GNAS-AS1: variants seen among roughly 807,000 people sequenced by gnomAD.
The protein encoded by GNAS-AS1 is GNAS antisense RNA 1.
chr20:58,841,625 G>T lies in GNAS-AS1; in HGVS notation n.819+312C>A. The stretch of plus-strand genomic sequence containing the variant: ...GCGTGCGCACCTGCCCGCGCGCGCC[G>T]GAGCTGACCTCTCCCGGCGGCGGGC... On this transcript the variant is annotated intron_variant and non_coding_transcript_variant, in intron 4 of 4. Transcript: ENST00000424094. The surrounding 1 kb of genome is among the most constrained non-coding windows in gnomAD (Gnocchi z 5.0). The T allele has an allele frequency of 9.3e-7, 1 of 1,069,868 alleles. No individual in the cohort carries two copies. The highest frequency in any genetic ancestry group is 1.1e-6 in the Non-Finnish European group (1 of 884,912). The allele number at this position is 1,069,868 out of a possible 1,614,324, so 66.3% of individuals were successfully genotyped here.
chr20:58,848,234 C>T (rs2086010326), intron 2 of GNAS-AS1, among the ~76,000 whole-genome samples: 7 of 152,124 alleles, frequency 4.6e-5, no homozygotes, highest in Admixed American at 4.6e-4. Flanking sequence ...GTAAACCATC[C>T]CTGGGTTTCG....
chr20:58,840,903 T>C lies in GNAS-AS1; in HGVS notation n.819+1034A>G. ...TGGATTCAGGTTAGTTGCCCACCGC[T>C]AAACTGGGGAGCCTGAGGGCGGTGT... On this transcript the variant is annotated intron_variant and non_coding_transcript_variant, in intron 4 of 4. Coordinates refer to ENST00000424094, the Ensembl canonical transcript of GNAS-AS1. This position sits in a 1 kb window ranked among gnomAD's most constrained non-coding sequence, Gnocchi z 6.0. The C allele has an allele frequency of 1.2e-6, 2 of 1,611,800 alleles. No individual in the cohort carries two copies. Among genetic ancestry groups the C allele is most frequent in the African/African-American group, 1.3e-5 (1 of 75,010 alleles).
At chr20:58,830,821 A>T (rs1389697792) in intron 4 of GNAS-AS1, among the ~76,000 whole-genome samples, 1 of 151,644 alleles carries the variant, frequency 6.6e-6, no homozygotes, top group Non-Finnish European at 1.5e-5. Flanking sequence ...GTGTGATCCC[A>T]AATCTGGCTT....
Position 58,841,266 on chromosome 20 carries a change from A to C in GNAS-AS1, n.819+671T>G. 1 of 993,016 alleles carries C rather than the reference A, an allele frequency of 1.0e-6. No individual in the cohort carries two copies. Among genetic ancestry groups the C allele is most frequent in the Non-Finnish European group, 1.2e-6 (1 of 802,388 alleles). The allele number at this position is 993,016 out of a possible 1,614,324, so 61.5% of individuals were successfully genotyped here. The stretch of plus-strand genomic sequence containing the variant: ...CGCTTTTCTTCCTCCTAGAAAGACT[A>C]GTCTCAAATAAGTTGGCCTTCTCAG... On this transcript the variant is annotated intron_variant and non_coding_transcript_variant, in intron 4 of 4. Transcript: ENST00000424094. This position sits in a 1 kb window ranked among gnomAD's most constrained non-coding sequence, Gnocchi z 5.0.
intron 4 of GNAS-AS1, among the ~76,000 whole-genome samples, chr20:58,833,376 G>A (rs548287402): frequency 6.6e-6 from 1 of 152,256 alleles, no homozygotes; most frequent in East Asian, 1.9e-4. Context: ...GGAAGCGGGG[G>A]TCCAGAAGTA....
chr20:58,819,094 T>C, exon 5 of GNAS-AS1: 1 of 398,632 alleles, frequency 2.5e-6, no homozygotes, highest in Non-Finnish European at 4.4e-6. Context: ...CAAACTCTCT[T>C]TGCTTATCAA....
intron 4 of GNAS-AS1, among the ~76,000 whole-genome samples, chr20:58,838,358 A>G (rs1445116155): frequency 6.6e-6 from 1 of 152,150 alleles, no homozygotes; most frequent in African/African-American, 2.4e-5. Flanking sequence ...AGAGTACAAC[A>G]ACACGATCTA....
Position 58,841,433 on chromosome 20 carries a change from G to C in GNAS-AS1, n.819+504C>G. ...CTCTAGAGACTGACCACCCGGGAGG[G>C]AAGTCACGCGCGCGCGGCGCCTAAG... On this transcript the variant is annotated intron_variant and non_coding_transcript_variant, in intron 4 of 4. Coordinates refer to ENST00000424094, the Ensembl canonical transcript of GNAS-AS1. The surrounding 1 kb of genome is among the most constrained non-coding windows in gnomAD (Gnocchi z 5.0). 2.0e-6 allele frequency: 2 copies of C among 991,454 alleles called. No individual in the cohort carries two copies. The highest frequency in any genetic ancestry group is 2.4e-6 in the Non-Finnish European group (2 of 833,808). 61.4% of individuals were successfully genotyped at this position (991,454 alleles called of 1,614,324 possible).
chr20:58,850,724 T>G (rs1358719444), exon 1 of GNAS-AS1: 5 of 398,688 alleles, frequency 1.3e-5, no homozygotes, highest in Non-Finnish European at 2.2e-5. Flanking sequence ...CACCCAAGGG[T>G]TGGCCCCTGG....
intron 4 of GNAS-AS1, among the ~76,000 whole-genome samples, chr20:58,823,381 T>C (rs1224417218): frequency 6.6e-6 from 1 of 152,194 alleles, no homozygotes; most frequent in Non-Finnish European, 1.5e-5. Flanking sequence ...GGGTCATCAG[T>C]GCGAGCCAGT....
Position 58,820,669 on chromosome 20 carries a change from G to A in GNAS-AS1, n.820-1414C>T, listed in dbSNP as rs191719623. ...TGGACTTACAGTTCCATGTGACTGG[G>A]GAAGCCCCACAATCATGGCAGAAGG... On this transcript the variant is annotated intron_variant and non_coding_transcript_variant, in intron 4 of 4. Coordinates refer to ENST00000424094, the Ensembl canonical transcript of GNAS-AS1. 1.6e-3 allele frequency among the ~76,000 whole-genome samples: 251 copies of A among 152,376 alleles called. 1 individual carries two copies. The South Asian group carries it at 0.025, about 15-fold the overall frequency.
Position 58,841,378 on chromosome 20 carries a change from G to A in GNAS-AS1, n.819+559C>T, listed in dbSNP as rs1027541008. The A allele has an allele frequency of 2.2e-5, 22 of 1,016,770 alleles. 1 individual carries two copies. The Admixed American group carries it at 5.1e-4, about 24-fold the overall frequency. The allele number at this position is 1,016,770 out of a possible 1,614,324, so 63.0% of individuals were successfully genotyped here. A position where few individuals can be genotyped will look rare whatever the true frequency, so the allele number is the denominator to read the frequency against. The stretch of plus-strand genomic sequence containing the variant: ...TGTAGAGACACCGTTGAAATGTGCG[G>A]AAAGTAATCTGAATGGGAATGGGCG... On this transcript the variant is annotated intron_variant and non_coding_transcript_variant, in intron 4 of 4. Coordinates refer to ENST00000424094, the Ensembl canonical transcript of GNAS-AS1. This position sits in a 1 kb window ranked among gnomAD's most constrained non-coding sequence, Gnocchi z 5.0.
In GNAS-AS1 at chr20:58,840,322, C is replaced by A. The variant is rs367861404; in HGVS notation, n.819+1615G>T. On this transcript the variant is annotated intron_variant and non_coding_transcript_variant, in intron 4 of 4. Coordinates refer to ENST00000424094, the Ensembl canonical transcript of GNAS-AS1. This position sits in a 1 kb window ranked among gnomAD's most constrained non-coding sequence, Gnocchi z 6.0. ...TCCTTAACGCCCACCACCGCTCCGG[C>A]GCCCAGGTATTCCCTGAGTCCCCCG... 4.3e-6 allele frequency: 7 copies of A among 1,612,954 alleles called. No homozygotes were observed. The highest frequency in any genetic ancestry group is 5.1e-6 in the Non-Finnish European group (6 of 1,179,988).
At chr20:58,845,296 G>A (rs1291459558) in intron 2 of GNAS-AS1, among the ~76,000 whole-genome samples, 2 of 152,166 alleles carry the variant, frequency 1.3e-5, no homozygotes, top group Non-Finnish European at 2.9e-5. Flanking sequence ...AGCTATTTGA[G>A]ATAAACCAGT....
chr20:58,833,425 G>A (rs2085580558), intron 4 of GNAS-AS1, among the ~76,000 whole-genome samples: 1 of 152,168 alleles, frequency 6.6e-6, no homozygotes, highest in African/African-American at 2.4e-5. Context: ...CTGACGTTGA[G>A]AGGCCCTTCT....
intron 4 of GNAS-AS1, among the ~76,000 whole-genome samples, chr20:58,823,405 A>G (rs1156514500): frequency 1.3e-5 from 2 of 152,138 alleles, no homozygotes; most frequent in Admixed American, 6.5e-5. Flanking sequence ...TGCCCCTACA[A>G]GGAGAAGGCT....
chr20:58,836,083 C>T (rs1029856914), intron 4 of GNAS-AS1, among the ~76,000 whole-genome samples: 10 of 152,130 alleles, frequency 6.6e-5, no homozygotes, highest in African/African-American at 2.2e-4. Flanking sequence ...GGGGGAGGAT[C>T]GTGTCCATCA....
chr20:58,830,142 C>G (rs2085544624), intron 4 of GNAS-AS1, among the ~76,000 whole-genome samples: 1 of 151,628 alleles, frequency 6.6e-6, no homozygotes, highest in Admixed American at 6.6e-5. Context: ...ATTACCACCA[C>G]CATACCACCA....
intron 4 of GNAS-AS1, among the ~76,000 whole-genome samples, chr20:58,835,098 G>T (rs1397889475): frequency 6.6e-6 from 1 of 151,966 alleles, no homozygotes; most frequent in Non-Finnish European, 1.5e-5. Flanking sequence ...GAACAGGCGG[G>T]AGGGGCCAAT....
Sources: gnomAD v4.1 joint callset for allele counts (sites outside exome capture counted in the v4.1 genomes callset) on GRCh38, gnomAD v4.1.1 for gene constraint, Gnocchi (gnomAD v3.1) non-coding constraint, MANE v1.5 for transcripts, NCBI Gene and HGNC (gene_info 2026-07-23, HGNC 2026-07-21) for gene names.